LRRC37A2: variants seen among roughly 807,000 people sequenced by gnomAD.
The protein encoded by LRRC37A2 is leucine-rich repeat-containing protein 37A2.
A neutral mutation model predicts 68.8 loss-of-function variants in LRRC37A2; 9 were observed. That is an observed-to-expected ratio of 0.13 (90% CI 0.08 to 0.23). The LOEUF (loss-of-function observed/expected upper bound fraction) is 0.23, where lower values mean the gene tolerates loss of function less well. Among genes scored for constraint, LRRC37A2 ranks in the 10% least tolerant of loss-of-function variants. The pLI is 1.00. For synonymous variants in LRRC37A2, 63 were observed against 367.6 expected (o/e 0.17, Z 9.48); for missense variants, 168 against 950.4 (o/e 0.18, Z 10.82).
chr17:46,850,915 A>G, the LRRC37A2 span, among the ~76,000 whole-genome samples: 2 of 152,022 alleles, frequency 1.3e-5, no homozygotes, highest in Non-Finnish European at 2.9e-5. Flanking sequence ...ATTTTGTCAA[A>G]AGCCCACGGA....
chr17:46,910,453 G>C, the LRRC37A2 span, among the ~76,000 whole-genome samples: 1 of 152,196 alleles, frequency 6.6e-6, no homozygotes, highest in Non-Finnish European at 1.5e-5. Context: ...GACTCTCACG[G>C]TGGGGTAAGG....
chr17:46,846,987 C>T, the LRRC37A2 span, among the ~76,000 whole-genome samples: 31 of 152,196 alleles, frequency 2.0e-4, no homozygotes, highest in Admixed American at 6.5e-5. Context: ...CCTGCAAATG[C>T]TTAAAGTTCC....
the LRRC37A2 span, among the ~76,000 whole-genome samples, chr17:46,870,249 G>A: frequency 6.6e-6 from 1 of 152,178 alleles, no homozygotes; most frequent in South Asian, 2.1e-4. Flanking sequence ...AGCCCTCGGT[G>A]TGAGAAGGAG....
the LRRC37A2 span, among the ~76,000 whole-genome samples, chr17:46,834,108 T>A: frequency 6.6e-6 from 1 of 151,984 alleles, no homozygotes; most frequent in Non-Finnish European, 1.5e-5. Context: ...GGGGAGAGGA[T>A]TGCTTGAGCC....
At chr17:46,866,609 G>A in the LRRC37A2 span, among the ~76,000 whole-genome samples, 6 of 152,206 alleles carry the variant, frequency 3.9e-5, no homozygotes, top group African/African-American at 1.4e-4. Flanking sequence ...AGCATCTGAT[G>A]GGGTTTTTCA....
At chr17:46,855,759 T>G in the LRRC37A2 span, among the ~76,000 whole-genome samples, 1 of 152,268 alleles carries the variant, frequency 6.6e-6, no homozygotes, top group South Asian at 2.1e-4. Flanking sequence ...AGTGCAATGG[T>G]GTGATCTCGG....
chr17:46,974,359 A>G, the LRRC37A2 span, among the ~76,000 whole-genome samples: 2 of 152,214 alleles, frequency 1.3e-5, no homozygotes, highest in Non-Finnish European at 2.9e-5. Flanking sequence ...AAGATCAGTA[A>G]ACAGAATCTT....
the LRRC37A2 span, among the ~76,000 whole-genome samples, chr17:46,995,295 CT>C: frequency 1.3e-5 from 2 of 152,214 alleles, no homozygotes; most frequent in Admixed American, 6.5e-5. Flanking sequence ...GCCGAGCCCC[CT>C]GGGCCTGAAC....
At chr17:46,494,094 C>G in the LRRC37A2 span, among the ~76,000 whole-genome samples, 1 of 149,510 alleles carries the variant, frequency 6.7e-6, no homozygotes, top group Non-Finnish European at 1.5e-5. Flanking sequence ...ATCTGCCTAC[C>G]TTGGCCTCCC....
chr17:46,992,582 G>A, the LRRC37A2 span, among the ~76,000 whole-genome samples: 3 of 152,208 alleles, frequency 2.0e-5, no homozygotes, highest in South Asian at 6.2e-4. Context: ...GCCAGGTGCG[G>A]TGGCTCATGC....
chr17:47,014,400 A>G, the LRRC37A2 span, among the ~76,000 whole-genome samples: 1 of 118,282 alleles, frequency 8.5e-6, no homozygotes, highest in Non-Finnish European at 2.0e-5. Context: ...GAGAAAAAAA[A>G]AAAAAAAAGA....
chr17:46,984,733 G>A, the LRRC37A2 span, among the ~76,000 whole-genome samples: 6 of 152,174 alleles, frequency 3.9e-5, no homozygotes, highest in Non-Finnish European at 5.9e-5. Flanking sequence ...GGATGGACCC[G>A]CCAGAAGGAA....
the LRRC37A2 span, among the ~76,000 whole-genome samples, chr17:46,835,145 C>T: frequency 6.6e-6 from 1 of 152,148 alleles, no homozygotes; most frequent in Admixed American, 6.5e-5. Flanking sequence ...CAGGAACACA[C>T]CACCACACCT....
the LRRC37A2 span, among the ~76,000 whole-genome samples, chr17:46,799,156 A>AC: frequency 6.6e-6 from 1 of 152,122 alleles, no homozygotes; most frequent in Admixed American, 6.6e-5. Flanking sequence ...GGATACCAGA[A>AC]CGCAAGGTCA....
the LRRC37A2 span, chr17:46,763,332 G>A: frequency 2.7e-4 from 41 of 152,158 alleles, no homozygotes; most frequent in African/African-American, 8.7e-4. Flanking sequence ...TATGCCTCAG[G>A]GAGAACTCAG....
chr17:46,935,779 C>T, the LRRC37A2 span: 231 of 984,242 alleles, frequency 2.3e-4, no homozygotes, highest in Non-Finnish European at 2.6e-4. Flanking sequence ...AGACTCCAGC[C>T]CCTGGGAGTG....
chr17:46,743,395 G>A, the LRRC37A2 span, among the ~76,000 whole-genome samples: 1 of 152,150 alleles, frequency 6.6e-6, no homozygotes, highest in Non-Finnish European at 1.5e-5. Flanking sequence ...TTCTGACTGT[G>A]ATGACAGAGA....
the LRRC37A2 span, among the ~76,000 whole-genome samples, chr17:46,740,644 G>A: frequency 6.6e-6 from 1 of 151,484 alleles, no homozygotes; most frequent in Admixed American, 6.6e-5. Flanking sequence ...GGCATGGTCA[G>A]TACAACTTTA....
the LRRC37A2 span, among the ~76,000 whole-genome samples, chr17:46,495,633 C>T: frequency 2.4e-4 from 36 of 151,072 alleles, 2 homozygotes; most frequent in South Asian, 5.2e-3. Flanking sequence ...GATTCGTCTG[C>T]CTTGGCCTCC....
Sources: gnomAD v4.1 joint callset for allele counts (sites outside exome capture counted in the v4.1 genomes callset) on GRCh38, gnomAD v4.1.1 for gene constraint, MANE v1.5 for transcripts, NCBI Gene and HGNC (gene_info 2026-07-23, HGNC 2026-07-21) for gene names.